The following GDA variants were observed in gnomAD, a reference collection of about 807,000 sequenced individuals.
The protein encoded by GDA is cytoplasmic PSD-95 interactor.
GDA carries 18 observed loss-of-function variants against 59.6 expected under a neutral mutation model. The observed-to-expected ratio is 0.30, with a 90% CI of 0.21 to 0.45. GDA has a LOEUF of 0.45. GDA is among the 20% of genes least tolerant of loss of function. GDA has a pLI of 1.00. For synonymous variants in GDA, 201 were observed against 201.1 expected (o/e 1.00, Z 0.00); for missense variants, 427 against 552.3 (o/e 0.77, Z 2.27).
chr9:72,168,041 T>C (rs752855313), intron 1 of GDA, among the ~76,000 whole-genome samples: 1 of 152,118 alleles, frequency 6.6e-6, no homozygotes, highest in Non-Finnish European at 1.5e-5. Flanking sequence ...ACCTGGGAGA[T>C]AGAATGTGCT....
chr9:72,150,873 T>A (rs1827122308), intron 1 of GDA, among the ~76,000 whole-genome samples: 1 of 152,212 alleles, frequency 6.6e-6, no homozygotes, highest in Non-Finnish European at 1.5e-5. Flanking sequence ...CGGTAAACCC[T>A]GAGACTGATG....
In GDA at chr9:72,249,885, C is replaced by T. The variant is rs373778407; in HGVS notation, c.*1543C>T. The T allele has an allele frequency of 2.1e-6, 2 of 972,888 alleles. No individual in the cohort carries two copies. Among genetic ancestry groups the T allele is most frequent in the Non-Finnish European group, 2.4e-6 (2 of 818,550 alleles). The allele number at this position is 972,888 out of a possible 1,614,324, so 60.3% of individuals were successfully genotyped here. A position where few individuals can be genotyped will look rare whatever the true frequency, so the allele number is the denominator to read the frequency against. On this transcript the variant is annotated 3_prime_UTR_variant, in exon 14 of 14. Coordinates refer to ENST00000358399, the MANE Select transcript of GDA (RefSeq NM_004293.5). ...GTAGTATAAATTTTATTTTCACATA[C>T]TTAGCTAATTTAGCAGTAATTGGCC...
At chr9:72,225,839 T>C in intron 8 of GDA, 55 bp downstream of exon 8, 1 of 706,214 alleles carries the variant, frequency 1.4e-6, no homozygotes, top group Non-Finnish European at 2.4e-6. Flanking sequence ...TTATCTCAAT[T>C]TTAAAATCTC....
At chr9:72,115,415 G>A (rs1050379028) in intron 1 of GDA, among the ~76,000 whole-genome samples, 11 of 152,158 alleles carry the variant, frequency 7.2e-5, no homozygotes, top group African/African-American at 2.7e-4. Context: ...TAATTCTGTG[G>A]CACTTACTCA....
chr9:72,123,481 CCTTTTTTT>C (rs1825740400), intron 1 of GDA, among the ~76,000 whole-genome samples: 2 of 119,224 alleles, frequency 1.7e-5, no homozygotes, highest in South Asian at 5.2e-4. Context: ...CCATGCCCGG[CCTTTTTTT>C]TTTTTTTTTT....
In GDA at chr9:72,250,573, T is replaced by C. The variant is rs1182884448; in HGVS notation, c.*2231T>C. 6 of 1,475,238 alleles carry C rather than the reference T, an allele frequency of 4.1e-6. No individual in the cohort carries two copies. The highest frequency in any genetic ancestry group is 4.5e-6 in the Non-Finnish European group (5 of 1,120,524). The allele number at this position is 1,475,238 out of a possible 1,614,324, so 91.4% of individuals were successfully genotyped here. ...TTTCTCCAAGTGCGGTGTTCCTGAA[T>C]GTTATGTATGCTTTTTTTTCTGTAC... is the stretch of plus-strand genomic sequence containing the variant. On this transcript the variant is annotated 3_prime_UTR_variant, in exon 14 of 14. Transcript: ENST00000358399.
intron 1 of GDA, among the ~76,000 whole-genome samples, chr9:72,131,459 C>T (rs535763933): frequency 2.9e-4 from 19 of 64,930 alleles, no homozygotes; most frequent in African/African-American, 9.2e-4. Context: ...TGGTGCTGAG[C>T]CATTTATGAG....
downstream of GDA, among the ~76,000 whole-genome samples, chr9:72,258,533 C>T (rs1179109270): frequency 2.0e-5 from 3 of 152,178 alleles, no homozygotes; most frequent in South Asian, 2.1e-4. Context: ...GGAGAGTCTT[C>T]CCCTGATTCA....
At chr9:72,135,746 G>T (rs117018885) in intron 1 of GDA, among the ~76,000 whole-genome samples, 4,952 of 152,110 alleles carry the variant, frequency 0.033, 111 homozygotes, top group Middle Eastern at 0.095. Flanking sequence ...GGGTAGCTGG[G>T]ATTATAGGCA....
At chr9:72,175,396 A>G (rs1434043408) in intron 1 of GDA, among the ~76,000 whole-genome samples, 1 of 152,204 alleles carries the variant, frequency 6.6e-6, no homozygotes, top group Non-Finnish European at 1.5e-5. Flanking sequence ...TGTGCCCTGA[A>G]TTGATGTGGT....
intron 1 of GDA, among the ~76,000 whole-genome samples, chr9:72,136,223 A>G (rs1256395112): frequency 1.3e-5 from 2 of 152,214 alleles, no homozygotes; most frequent in Admixed American, 1.3e-4. Context: ...GCCTATAGAA[A>G]GTTCTAACTC....
At chr9:72,126,323 C>T (rs1162659376) in intron 1 of GDA, among the ~76,000 whole-genome samples, 1 of 152,132 alleles carries the variant, frequency 6.6e-6, no homozygotes, top group African/African-American at 2.4e-5. Flanking sequence ...ATTCATCCAC[C>T]CATCCAACAG....
chr9:72,232,062 A>C (rs1838418288), intron 10 of GDA, among the ~76,000 whole-genome samples: 1 of 152,180 alleles, frequency 6.6e-6, no homozygotes, highest in Non-Finnish European at 1.5e-5. Flanking sequence ...AGAGTGTGCA[A>C]GCGTTGCTTG....
chr9:72,214,092 A>G, intron 5 of GDA, 101 bp downstream of exon 5: 1 of 705,024 alleles, frequency 1.4e-6, no homozygotes, highest in South Asian at 1.7e-5. Context: ...GTTATCACCC[A>G]GTTGGGATGT....
Position 72,137,217 on chromosome 9 carries a change from A to AT in GDA, c.-100+22384_-100+22385insT, listed in dbSNP as rs1564152921. Among the ~76,000 whole-genome samples, 506 of 89,602 alleles carry AT rather than the reference A, an allele frequency of 5.6e-3. 3 individuals carry two copies. The highest frequency in any genetic ancestry group is 0.014 in the African/African-American group (439 of 32,236). The allele number at this position is 89,602 out of a possible 152,430, so 58.8% of individuals were successfully genotyped here. A position where few individuals can be genotyped will look rare whatever the true frequency, so the allele number is the denominator to read the frequency against. ...ATAAATAAATAAATTAAAAAAAAAA[A>AT]AAATTAGGATCCTTTTCTTTTTTTC... On this transcript the variant is annotated intron_variant, in intron 1 of 13. Coordinates refer to the GDA transcript ENST00000545168.
chr9:72,194,098 T>TG (rs1197753451), intron 1 of GDA: 1 of 152,292 alleles, frequency 6.6e-6, no homozygotes, highest in Non-Finnish European at 1.5e-5. Context: ...GTTCTGGAAC[T>TG]GGGGACTCCA....
intron 10 of GDA, among the ~76,000 whole-genome samples, chr9:72,240,846 C>T (rs1839531574): frequency 6.6e-6 from 1 of 152,182 alleles, no homozygotes; most frequent in Admixed American, 6.5e-5. Context: ...GCCCTGCCAA[C>T]ACTTTAATTT....
upstream of GDA, chr9:72,149,294 A>T (rs1463260243): frequency 4.0e-6 from 2 of 495,660 alleles, no homozygotes; most frequent in Non-Finnish European, 7.1e-6. Context: ...AACCAAAACT[A>T]ACGCAAGGGT....
intron 10 of GDA, among the ~76,000 whole-genome samples, chr9:72,238,920 C>T (rs1212973794): frequency 6.6e-6 from 1 of 152,152 alleles, no homozygotes. Context: ...AATTGAGATT[C>T]ACAGGTCCTA....
Sources: allele counts gnomAD v4.1 joint callset (sites outside exome capture counted in the v4.1 genomes callset), GRCh38; gene constraint gnomAD v4.1.1; transcripts MANE v1.5; gene names NCBI Gene and HGNC (gene_info 2026-07-23, HGNC 2026-07-21).